The following CYP26B1 variants were observed in gnomAD, a reference collection of about 807,000 sequenced individuals.
CYP26B1 encodes cytochrome P450 family 26 subfamily B member 1, also known as cytochrome P450 26B1.
Under a neutral mutation model 39.1 loss-of-function variants are expected in CYP26B1, and 8 were observed. The ratio of observed to expected loss-of-function variants is 0.20; its 90% confidence interval spans 0.12 to 0.37. The LOEUF (loss-of-function observed/expected upper bound fraction) is 0.37, where lower values mean the gene tolerates loss of function less well. Ranked by LOEUF, CYP26B1 falls within the 10% of genes least tolerant of loss-of-function variation. CYP26B1 has a pLI of 1.00. For missense variants in CYP26B1, 615 were observed against 707.0 expected, an observed-to-expected ratio of 0.87 and a Z score of 1.48; for synonymous variants, 321 against 314.3, an observed-to-expected ratio of 1.02 and a Z score of -0.23.
Position 72,134,746 on chromosome 2 carries a change from A to C in CYP26B1, c.861+15T>G, listed in dbSNP as rs201764415. The C allele has an allele frequency of 1.2e-6, 2 of 1,609,102 alleles. No individual in the cohort carries two copies. The highest frequency in any genetic ancestry group is 1.7e-6 in the Non-Finnish European group (2 of 1,177,588). Reference sequence around the variant, plus strand: ...GGTGCTGGTGCTGCCCGTGAGGGGCACACGCCCACCCCACCTTCAGCTCCT... The same window carrying C: ...GGTGCTGGTGCTGCCCGTGAGGGGCCCACGCCCACCCCACCTTCAGCTCCT... On this transcript the variant is annotated intron_variant, in intron 4 of 5. Coordinates refer to ENST00000001146, the MANE Select transcript of CYP26B1 (RefSeq NM_019885.4).
At chr2:72,133,356 G>T in intron 4 of CYP26B1, 49 bp from the exon 5 acceptor site, 1 of 1,575,562 alleles carries the variant, frequency 6.3e-7, no homozygotes, top group Non-Finnish European at 8.5e-7. Context: ...GTTCAGCCAG[G>T]CAGGGGCCGC....
chr2:72,130,456 TCA>T lies in CYP26B1; in HGVS notation c.*1769_*1770del, dbSNP rs1676532925. 1 of 152,182 alleles carries T rather than the reference TCA, an allele frequency of 6.6e-6. No individual in the cohort carries two copies. The highest frequency in any genetic ancestry group is 6.5e-5 in the Admixed American group (1 of 15,276). The allele number at this position is 152,182 out of a possible 1,614,324, so 9.4% of individuals were successfully genotyped here. ...ATGGGCCCGTTCCTATAGTCTATCTTCAGGGTGGCTGTGAGTGGGGTCAGGGT... is the reference window on the plus strand; with the variant it reads ...ATGGGCCCGTTCCTATAGTCTATCTTGGGTGGCTGTGAGTGGGGTCAGGGT... On this transcript the variant is annotated 3_prime_UTR_variant, in exon 6 of 6. Transcript: ENST00000001146.
In CYP26B1 at chr2:72,132,341, G is replaced by C. The variant is rs550363904; in HGVS notation, c.1425C>G (p.Thr475=). 2.5e-6 allele frequency: 4 copies of C among 1,610,802 alleles called. No homozygotes were observed. Among genetic ancestry groups the C allele is most frequent in the African/African-American group, 2.7e-5 (2 of 75,008 alleles). ...ELATRTFPRI[T]LVPVLHPVDG... ...CCACGGGGTGCAGGACGGGGACCAA[G>C]GTGATGCGGGGGAAGGTCCGTGTGG... Residue 475 remains threonine, a synonymous_variant, in exon 6 of 6, where the codon ACC becomes ACG. Transcript: ENST00000001146.
intron 1 of CYP26B1, chr2:72,144,438 AC>A: frequency 7.4e-7 from 1 of 1,343,370 alleles, no homozygotes; most frequent in Non-Finnish European, 9.5e-7. Context: ...GCCCAGGGGC[AC>A]CCCCAGGAGG....
rs1676541576 is a variant in CYP26B1, at chr2:72,130,730, C to T, written c.*1497G>A. 6.6e-6 allele frequency: 1 copy of T among 152,196 alleles called. No individual in the cohort carries two copies. The highest frequency in any genetic ancestry group is 1.5e-5 in the Non-Finnish European group (1 of 68,048). The allele number at this position is 152,196 out of a possible 1,614,324, so 9.4% of individuals were successfully genotyped here. A position where few individuals can be genotyped will look rare whatever the true frequency, so the allele number is the denominator to read the frequency against. On this transcript the variant is annotated 3_prime_UTR_variant, in exon 6 of 6. Transcript: ENST00000001146. ...TTGCCAACACTCAAAACGCCAGTGG[C>T]AGGAGCTACTCCTCTTTCACCCAGT...
intron 4 of CYP26B1, among the ~76,000 whole-genome samples, chr2:72,133,570 G>A (rs1265329783): frequency 6.6e-6 from 1 of 152,236 alleles, no homozygotes; most frequent in Admixed American, 6.5e-5. Flanking sequence ...GTCCCTTGGA[G>A]TGGAGCCACT....
At position 72,132,344 on chromosome 2, in the gene CYP26B1, G is replaced by A; in HGVS notation, c.1422C>T (p.Ile474=). Residue 474 remains isoleucine, a synonymous_variant, in exon 6 of 6, where the codon ATC becomes ATT. Transcript: ENST00000001146. ...CGGGGTGCAGGACGGGGACCAAGGT[G>A]ATGCGGGGGAAGGTCCGTGTGGCCA... ...FELATRTFPR[I]TLVPVLHPVD... The A allele has an allele frequency of 6.2e-7, 1 of 1,610,826 alleles. No homozygotes were observed. Among genetic ancestry groups the A allele is most frequent in the Non-Finnish European group, 8.5e-7 (1 of 1,178,056 alleles).
intron 4 of CYP26B1, among the ~76,000 whole-genome samples, chr2:72,133,576 C>T (rs2104041811): frequency 1.3e-5 from 2 of 152,340 alleles, no homozygotes; most frequent in South Asian, 4.1e-4. Flanking sequence ...TGGAGTGGAG[C>T]CACTTCTCAC....
At chr2:72,135,559 C>T (rs776957620) in intron 2 of CYP26B1, 140 bp from the exon 3 acceptor site, 8 of 1,244,488 alleles carry the variant, frequency 6.4e-6, no homozygotes, top group Non-Finnish European at 9.1e-6. Flanking sequence ...GCTGGGCAGG[C>T]CAGCTGCCAG....
Position 72,132,572 on chromosome 2 carries a change from G to A in CYP26B1, c.1194C>T (p.Asp398=), listed in dbSNP as rs1380025170. The A allele has an allele frequency of 6.2e-7, 1 of 1,611,594 alleles. No homozygotes were observed. Among genetic ancestry groups the A allele is most frequent in the Admixed American group, 1.7e-5 (1 of 59,856 alleles). ...KGWSVMYSIR[D]THDTAPVFKD... ...TGAACACGGGCGCTGTGTCATGGGT[G>A]TCCCGGATGCTATACATGACACTCC... The change falls in exon 6 of 6, where the codon GAC becomes GAT. Residue 398 remains aspartate, a synonymous_variant. Coordinates refer to ENST00000001146, the MANE Select transcript of CYP26B1 (RefSeq NM_019885.4).
At chr2:72,140,803 G>A (rs949940315) in intron 2 of CYP26B1, among the ~76,000 whole-genome samples, 3 of 152,206 alleles carry the variant, frequency 2.0e-5, no homozygotes, top group Non-Finnish European at 4.4e-5. Flanking sequence ...CCCCACCTTG[G>A]CTTCAGGCCC....
Position 72,147,568 on chromosome 2 carries a change from T to C in CYP26B1, c.204+63A>G, listed in dbSNP as rs1012923457. On this transcript the variant is annotated intron_variant, in intron 1 of 5. Transcript: ENST00000001146. This position sits in a 1 kb window ranked among gnomAD's most constrained non-coding sequence, Gnocchi z 6.1. ...CGGCGCCCCCTGGCCGGCCCGCCGC[T>C]CCGTCTGCCCCGCGCTCGCAGCTAG... is the stretch of plus-strand genomic sequence containing the variant. 19 of 1,494,048 alleles carry C rather than the reference T, an allele frequency of 1.3e-5. No individual in the cohort carries two copies. The African/African-American group carries it at 2.8e-4, about 22-fold the overall frequency. 92.5% of individuals were successfully genotyped at this position (1,494,048 alleles called of 1,614,324 possible).
chr2:72,137,735 C>T (rs757819177), intron 2 of CYP26B1, among the ~76,000 whole-genome samples: 11 of 152,166 alleles, frequency 7.2e-5, no homozygotes, highest in African/African-American at 2.7e-4. Context: ...AGAAGGGCCC[C>T]GGGGGACCTG....
At chr2:72,144,597 G>A (rs1333335654) in intron 1 of CYP26B1, 8 of 718,698 alleles carry the variant, frequency 1.1e-5, no homozygotes, top group Non-Finnish European at 1.3e-5. Context: ...TCCGGGCCAC[G>A]GGCTGGCGAG....
In CYP26B1 at chr2:72,132,476, A is replaced by G. The variant is rs374896022; in HGVS notation, c.1290T>C (p.His430=). The G allele has an allele frequency of 1.2e-6, 2 of 1,613,066 alleles. No individual in the cohort carries two copies. Among genetic ancestry groups the G allele is most frequent in the African/African-American group, 2.7e-5 (2 of 74,926 alleles). ...GGACACCGCCACCGAACGGGAGGTA[A>G]TGGAAGCGGCCATCCTTGTCCTCGC... is the stretch of plus-strand genomic sequence containing the variant. ...ARSEDKDGRF[H]YLPFGGGVRT... is the part of the protein sequence containing the mutation. The change falls in exon 6 of 6, where the codon CAT becomes CAC. Residue 430 remains histidine (H), a synonymous_variant. Transcript: ENST00000001146.
Position 72,134,780 on chromosome 2 carries a change from A to G in CYP26B1, c.842T>C (p.Met281Thr). ...CCCCACCTTCAGCTCCTGCATGGTC[A>G]TCTCCTTCCCGTGCTCCTTGCTGCT... ...IESSKEHGKEMTMQELKDGTL... is the reference protein window; with the variant it reads ...IESSKEHGKETTMQELKDGTL... Residue 281 changes from methionine to threonine, a missense_variant, in exon 4 of 6, where the codon ATG becomes ACG. Coordinates refer to ENST00000001146, the MANE Select transcript of CYP26B1 (RefSeq NM_019885.4). 6.2e-7 allele frequency: 1 copy of G among 1,613,926 alleles called. No homozygotes were observed. The highest frequency in any genetic ancestry group is 8.5e-7 in the Non-Finnish European group (1 of 1,179,898).
At chr2:72,144,520 GCCCCCACCCCCACCCCCACA>G (rs1196922955) in intron 1 of CYP26B1, 3 of 1,156,238 alleles carry the variant, frequency 2.6e-6, no homozygotes, top group Non-Finnish European at 2.1e-6. Context: ...GGGAGTCTCC[GCCCCCACCCCCACCCCCACA>G]CCCCCACCCC....
chr2:72,137,790 G>C (rs1449879936), intron 2 of CYP26B1, among the ~76,000 whole-genome samples: 1 of 152,176 alleles, frequency 6.6e-6, no homozygotes, highest in Admixed American at 6.5e-5. Context: ...GTCCACACCT[G>C]ACCCCTGGGG....
chr2:72,144,245 G>T, intron 1 of CYP26B1, 32 bp from the exon 2 acceptor site: 2 of 1,571,422 alleles, frequency 1.3e-6, no homozygotes, highest in South Asian at 1.2e-5. Flanking sequence ...CTCTCTCAGG[G>T]TGCACTTCTG....
Sources: allele counts gnomAD v4.1 joint callset (sites outside exome capture counted in the v4.1 genomes callset), GRCh38; gene constraint gnomAD v4.1.1; non-coding constraint Gnocchi (gnomAD v3.1); transcripts MANE v1.5; gene names NCBI Gene and HGNC (gene_info 2026-07-23, HGNC 2026-07-21).